The following SLF1 variants were observed in gnomAD, a reference collection of about 807,000 sequenced individuals.
SLF1 encodes the protein SMC5-SMC6 complex localization factor protein 1.
A neutral mutation model predicts 123.0 loss-of-function variants in SLF1; 105 were observed. The ratio of observed to expected loss-of-function variants is 0.85; its 90% CI spans 0.73 to 1.00. The LOEUF (loss-of-function observed/expected upper bound fraction) is 1.00. Among genes scored for constraint, SLF1 ranks in the 50% least tolerant of loss-of-function variants. SLF1 has a pLI of 0.00. For missense variants in SLF1, 1,239 were observed against 1,223.0 expected, an observed-to-expected ratio of 1.01 and a Z score of -0.20; for synonymous variants, 434 against 406.6, an observed-to-expected ratio of 1.07 and a Z score of -0.81.
intron 4 of SLF1, among the ~76,000 whole-genome samples, chr5:94,632,661 C>A (rs1429207701): frequency 6.6e-6 from 1 of 151,440 alleles, no homozygotes; most frequent in East Asian, 1.9e-4. Flanking sequence ...TTGCTTTTCT[C>A]CTTTATTTTC....
intron 4 of SLF1, among the ~76,000 whole-genome samples, chr5:94,635,132 A>AT: frequency 7.0e-6 from 1 of 142,728 alleles, no homozygotes; most frequent in East Asian, 2.2e-4. Flanking sequence ...CCTGTAGTTT[A>AT]TCCCGTGTTT....
Position 94,686,662 on chromosome 5 carries a change from T to C in SLF1, c.2065T>C (p.Leu689=), listed in dbSNP as rs369443556. 1.1e-5 allele frequency: 17 copies of C among 1,614,040 alleles called. No homozygotes were observed. The highest frequency in any genetic ancestry group is 1.7e-5 in the Admixed American group (1 of 60,014). The change falls in exon 16 of 21, where the codon TTG becomes CTG. Residue 689 remains leucine, a synonymous_variant. Transcript: ENST00000265140. ...TGTTGCAGAGGCAGTCTTTAAAAAG[T>C]TGTGTCTACAGAGCTCTGGCAGTGT... is the stretch of plus-strand genomic sequence containing the variant. ...MFVAEAVFKK[L]CLQSSGSVSS... is the part of the protein sequence containing the mutation.
At chr5:94,675,647 A>C (rs1249029857) in intron 14 of SLF1, among the ~76,000 whole-genome samples, 3 of 152,146 alleles carry the variant, frequency 2.0e-5, no homozygotes, top group African/African-American at 7.2e-5. Context: ...TTTCATATAA[A>C]AACTTACTAT....
intron 9 of SLF1, among the ~76,000 whole-genome samples, chr5:94,657,167 G>A (rs1324961028): frequency 6.6e-6 from 1 of 151,508 alleles, no homozygotes; most frequent in African/African-American, 2.4e-5. Context: ...CTACTTTTTA[G>A]ATATTAGGCA....
intron 5 of SLF1, among the ~76,000 whole-genome samples, chr5:94,646,449 G>A (rs191234615): frequency 6.6e-6 from 1 of 152,236 alleles, no homozygotes; most frequent in East Asian, 1.9e-4. Context: ...ACTTTGAGAT[G>A]CTTAGTATTT....
intron 18 of SLF1, 169 bp from the exon 19 acceptor site, chr5:94,691,395 C>T: frequency 1.5e-5 from 3 of 201,184 alleles, no homozygotes; most frequent in African/African-American, 2.5e-5. Context: ...CCCTTCCCAC[C>T]CCCCACCCCC....
chr5:94,679,283 A>G lies in SLF1; in HGVS notation c.1975+328A>G, dbSNP rs1357911422. Among the ~76,000 whole-genome samples the G allele has an allele frequency of 2.0e-5, 3 of 152,126 alleles. No homozygotes were observed. In the East Asian group the frequency reaches 5.8e-4, roughly 29 times the overall value. ...CATTACAGGAGACTTCCCCCCACATACATTTATTATTCAAATATAATTATT... is the reference window on the plus strand; with the variant it reads ...CATTACAGGAGACTTCCCCCCACATGCATTTATTATTCAAATATAATTATT... On this transcript the variant is annotated intron_variant, in intron 15 of 20. Coordinates refer to ENST00000265140, the MANE Select transcript of SLF1 (RefSeq NM_032290.4).
rs565605014 is a variant in SLF1 at position 94,650,496 on chromosome 5, GGGACTACA to G, written c.738+903_738+910del. On this transcript the variant is annotated intron_variant, in intron 6 of 20. Coordinates refer to ENST00000265140, the MANE Select transcript of SLF1 (RefSeq NM_032290.4). ...TCCTGCCTCAGCCTCCCGAGTAGCT[GGGACTACA>G]GGAGCCCGCCATTGCGCCTGGCTAA... Among the ~76,000 whole-genome samples, 7 of 151,976 alleles carry G rather than the reference GGGACTACA, an allele frequency of 4.6e-5. No individual in the cohort carries two copies. The South Asian group carries it at 1.5e-3, about 32-fold the overall frequency.
intron 2 of SLF1, 58 bp downstream of exon 2, chr5:94,628,982 C>T: frequency 7.0e-7 from 1 of 1,418,912 alleles, no homozygotes; most frequent in Non-Finnish European, 9.6e-7. Flanking sequence ...AATTCAAATA[C>T]TGGCCTAAGA....
At chr5:94,652,265 TC>T (rs1747829432) in intron 7 of SLF1, among the ~76,000 whole-genome samples, 1 of 152,194 alleles carries the variant, frequency 6.6e-6, no homozygotes, top group South Asian at 2.1e-4. Context: ...CACCTCCGCC[TC>T]CCAAAGTACT....
chr5:94,666,465 AAT>A (rs1442936391), intron 12 of SLF1, among the ~76,000 whole-genome samples: 1 of 152,178 alleles, frequency 6.6e-6, no homozygotes, highest in Non-Finnish European at 1.5e-5. Flanking sequence ...ATATTTCCTA[AAT>A]ATGTCATCTC....
chr5:94,688,596 T>C lies in SLF1; in HGVS notation c.2212T>C (p.Phe738Leu). 1 of 1,614,138 alleles carries C rather than the reference T, an allele frequency of 6.2e-7. No individual in the cohort carries two copies. Residue 738 changes from phenylalanine (F) to leucine (L), a missense_variant, in exon 17 of 21, where the codon TTT (phenylalanine) becomes CTT (leucine). Transcript: ENST00000265140. ...VSKKIGQRPC[F>L]DSQRTLLMLN... Reference sequence around the variant, plus strand: ...AAAGAAAATAGGACAGCGGCCTTGTTTTGACTCTCAGAGAACCTTACTAAT... The same window carrying C: ...AAAGAAAATAGGACAGCGGCCTTGTCTTGACTCTCAGAGAACCTTACTAAT...
At chr5:94,649,221 A>G (rs951343349) in intron 5 of SLF1, among the ~76,000 whole-genome samples, 1 of 152,210 alleles carries the variant, frequency 6.6e-6, no homozygotes, top group Admixed American at 6.5e-5. Flanking sequence ...TGAACAAAGC[A>G]TTACCTTTTC....
chr5:94,666,566 T>C (rs1295581491), intron 12 of SLF1, among the ~76,000 whole-genome samples: 1 of 152,214 alleles, frequency 6.6e-6, no homozygotes, highest in Non-Finnish European at 1.5e-5. Flanking sequence ...TCACCTTCTT[T>C]CTCCCTAACA....
chr5:94,634,400 T>G (rs940128473), intron 4 of SLF1, among the ~76,000 whole-genome samples: 1 of 152,210 alleles, frequency 6.6e-6, no homozygotes, highest in Non-Finnish European at 1.5e-5. Context: ...CTAATTTTCT[T>G]TGGACTTTCA....
intron 4 of SLF1, among the ~76,000 whole-genome samples, chr5:94,634,821 T>C (rs1222114663): frequency 6.6e-6 from 1 of 152,206 alleles, no homozygotes; most frequent in African/African-American, 2.4e-5. Context: ...CATTTAAAAA[T>C]TTATCTGTTG....
intron 9 of SLF1, among the ~76,000 whole-genome samples, chr5:94,661,192 C>T (rs1053758893): frequency 6.6e-6 from 1 of 152,188 alleles, no homozygotes; most frequent in Non-Finnish European, 1.5e-5. Flanking sequence ...GCTTTCTAAA[C>T]TAGTCTCTGG....
In SLF1 at chr5:94,695,344, A is replaced by G. The variant is rs374836454; in HGVS notation, c.*32A>G. ...TAGAAAGTATGGATTGACTTTCTAAATCTGTTCAGTTTGCATTGGTACTTA... is the reference window on the plus strand; with the variant it reads ...TAGAAAGTATGGATTGACTTTCTAAGTCTGTTCAGTTTGCATTGGTACTTA... On this transcript the variant is annotated 3_prime_UTR_variant, in exon 21 of 21. Coordinates refer to ENST00000265140, the MANE Select transcript of SLF1 (RefSeq NM_032290.4). The G allele has an allele frequency of 6.4e-7, 1 of 1,567,646 alleles. No individual in the cohort carries two copies. The highest frequency in any genetic ancestry group is 1.4e-5 in the African/African-American group (1 of 73,372).
intron 15 of SLF1, 139 bp downstream of exon 15, chr5:94,679,094 TTCAC>T: frequency 1.1e-6 from 1 of 900,736 alleles, no homozygotes; most frequent in Non-Finnish European, 1.7e-6. Context: ...CACACATAGA[TTCAC>T]ACACACAGAC....
Sources: allele counts gnomAD v4.1 joint callset (sites outside exome capture counted in the v4.1 genomes callset), GRCh38; gene constraint gnomAD v4.1.1; transcripts MANE v1.5; gene names NCBI Gene and HGNC (gene_info 2026-07-23, HGNC 2026-07-21).